Variants in FBXO36 observed in about 807,000 individuals in gnomAD.
The protein encoded by FBXO36 is F-box only protein 36.
A neutral mutation model predicts 17.0 loss-of-function variants in FBXO36; 18 were observed. That is an observed-to-expected ratio of 1.06 (90% CI 0.73 to 1.57). The LOEUF (loss-of-function observed/expected upper bound fraction) is 1.57. FBXO36 is among the 40% of genes most tolerant of loss of function. The probability of loss-of-function intolerance (pLI) is 0.00; values close to 1 mark genes in which losing one functional copy is unlikely to be tolerated. For synonymous variants in FBXO36, 83 were observed against 85.3 expected, an observed-to-expected ratio of 0.97 and a Z score of 0.15; for missense variants, 229 against 221.9, an observed-to-expected ratio of 1.03 and a Z score of -0.20.
chr2:229,974,016 C>T (rs2077194903), intron 1 of FBXO36, among the ~76,000 whole-genome samples: 1 of 151,192 alleles, frequency 6.6e-6, no homozygotes, highest in African/African-American at 2.4e-5. Context: ...TACCACTGCA[C>T]TCCAGCCTGG....
intron 1 of FBXO36, among the ~76,000 whole-genome samples, chr2:229,926,424 C>CA (rs1346012084): frequency 1.3e-5 from 2 of 151,678 alleles, no homozygotes; most frequent in Non-Finnish European, 2.9e-5. Flanking sequence ...AAGCAAGACT[C>CA]AGTCTTTAAA....
intron 1 of FBXO36, among the ~76,000 whole-genome samples, chr2:229,935,614 TAAG>T (rs1427826188): frequency 3.9e-5 from 6 of 152,304 alleles, no homozygotes; most frequent in East Asian, 1.9e-4. Flanking sequence ...TGGTATTTGA[TAAG>T]GAGATAAGAA....
At position 230,011,098 on chromosome 2, in the gene FBXO36, G is replaced by A. The variant is rs1018874205; in HGVS notation, c.*214G>A. ...TCATTCTGAGGTCAAATCATGGCCCGAGGACAAGGGCTGTAAGACAGGGAG... is the reference window on the plus strand; with the variant it reads ...TCATTCTGAGGTCAAATCATGGCCCAAGGACAAGGGCTGTAAGACAGGGAG... On this transcript the variant is annotated 3_prime_UTR_variant, in exon 4 of 4. Transcript: ENST00000283946. 2.3e-5 allele frequency: 12 copies of A among 511,680 alleles called. No homozygotes were observed. The highest frequency in any genetic ancestry group is 3.8e-5 in the African/African-American group (2 of 52,320). The allele number at this position is 511,680 out of a possible 1,614,324, so 31.7% of individuals were successfully genotyped here.
chr2:230,007,986 C>T (rs1243615714), intron 3 of FBXO36, among the ~76,000 whole-genome samples: 3 of 152,138 alleles, frequency 2.0e-5, no homozygotes, highest in African/African-American at 7.2e-5. Context: ...ACCTCGGCCT[C>T]GCAGAGTGCT....
At chr2:230,001,149 G>A (rs1377278989) in intron 3 of FBXO36, among the ~76,000 whole-genome samples, 2 of 151,960 alleles carry the variant, frequency 1.3e-5, no homozygotes, top group Admixed American at 1.3e-4. Flanking sequence ...GTGAGCCACT[G>A]CACCCAGCCA....
intron 1 of FBXO36, among the ~76,000 whole-genome samples, chr2:229,960,695 G>T (rs1241959701): frequency 6.6e-6 from 1 of 152,148 alleles, no homozygotes; most frequent in Non-Finnish European, 1.5e-5. Flanking sequence ...TAGAGATGGG[G>T]TTGCGCTGCA....
intron 1 of FBXO36, among the ~76,000 whole-genome samples, chr2:229,937,454 C>T (rs769700836): frequency 1.3e-5 from 2 of 152,134 alleles, no homozygotes; most frequent in Non-Finnish European, 2.9e-5. Context: ...GAGATTGTAC[C>T]ATTGCACTTC....
chr2:229,982,840 G>T (rs192605687), intron 2 of FBXO36, among the ~76,000 whole-genome samples: 1 of 150,936 alleles, frequency 6.6e-6, no homozygotes, highest in African/African-American at 2.4e-5. Flanking sequence ...TACTTTTGCC[G>T]TGTGAGGTCC....
intron 2 of FBXO36, among the ~76,000 whole-genome samples, chr2:229,984,014 T>C (rs1350599239): frequency 6.6e-6 from 1 of 152,228 alleles, no homozygotes; most frequent in African/African-American, 2.4e-5. Context: ...TAGTTTCATT[T>C]GTATTTGAAT....
intron 1 of FBXO36, among the ~76,000 whole-genome samples, chr2:229,936,059 A>G (rs1364294973): frequency 6.6e-6 from 1 of 152,106 alleles, no homozygotes; most frequent in Non-Finnish European, 1.5e-5. Flanking sequence ...GTGGTGGTGG[A>G]CGCTTGTAAT....
rs1329009895 is a variant in FBXO36, at chr2:229,992,607, C to A, written c.206-4144C>A. 2.0e-5 allele frequency among the ~76,000 whole-genome samples: 3 copies of A among 152,222 alleles called. 1 individual carries two copies. The highest frequency in any genetic ancestry group is 2.0e-4 in the Admixed American group (3 of 15,268). On this transcript the variant is annotated intron_variant, in intron 2 of 3. Transcript: ENST00000283946. ...CTTTTCAATATCAAAGCCACTCTTA[C>A]ATTTTAGGTTCCACTGTGGCAGCAC...
At chr2:229,928,821 G>T (rs2076924965) in intron 1 of FBXO36, among the ~76,000 whole-genome samples, 1 of 151,990 alleles carries the variant, frequency 6.6e-6, no homozygotes. Flanking sequence ...GGTGTGTAGT[G>T]GTGCAGTCAG....
chr2:229,936,350 T>C (rs1006014940), intron 1 of FBXO36, among the ~76,000 whole-genome samples: 1 of 152,318 alleles, frequency 6.6e-6, no homozygotes. Context: ...CCTTGGCTAA[T>C]GAATCCCTAT....
At chr2:229,923,080 T>C (rs2076819447) in intron 1 of FBXO36, 1 of 155,432 alleles carries the variant, frequency 6.4e-6, no homozygotes, top group Admixed American at 6.4e-5. Context: ...TTTGTGGCCT[T>C]TACGCGTGCC....
chr2:230,003,265 C>G (rs1421862255), intron 3 of FBXO36, among the ~76,000 whole-genome samples: 2 of 142,182 alleles, frequency 1.4e-5, no homozygotes, highest in Non-Finnish European at 3.1e-5. Flanking sequence ...GGCAATAATA[C>G]ATGATCACTT....
intron 1 of FBXO36, among the ~76,000 whole-genome samples, chr2:229,966,878 C>A (rs1255727078): frequency 2.6e-5 from 4 of 152,192 alleles, no homozygotes; most frequent in Admixed American, 6.5e-5. Flanking sequence ...TTTTTTGGTT[C>A]CATATGAACT....
intron 1 of FBXO36, among the ~76,000 whole-genome samples, chr2:229,975,573 C>T (rs2077203262): frequency 6.7e-6 from 1 of 150,364 alleles, no homozygotes; most frequent in Non-Finnish European, 1.5e-5. Flanking sequence ...CTCACGGGCT[C>T]AGGGGATCCT....
chr2:229,954,234 A>ATTTTTTGTTTTTTTTTTTTTTTTTTT (rs2077072402), intron 1 of FBXO36, among the ~76,000 whole-genome samples: 1 of 71,378 alleles, frequency 1.4e-5, no homozygotes, highest in Non-Finnish European at 2.6e-5. Context: ...AACCCTTTGG[A>ATTTTTTGTTTTTTTTTTTTTTTTTTT]TTTTTTTTTT....
chr2:230,002,202 G>A (rs1430834557), intron 3 of FBXO36, among the ~76,000 whole-genome samples: 1 of 151,558 alleles, frequency 6.6e-6, no homozygotes, highest in Non-Finnish European at 1.5e-5. Context: ...ACATAACCAT[G>A]GTACATTTAT....
Sources: allele counts gnomAD v4.1 joint callset (sites outside exome capture counted in the v4.1 genomes callset), GRCh38; gene constraint gnomAD v4.1.1; transcripts MANE v1.5; gene names NCBI Gene and HGNC (gene_info 2026-07-23, HGNC 2026-07-21).